The following RAP1GAP variants were observed in gnomAD, a reference collection of about 807,000 sequenced individuals.
RAP1GAP encodes the protein RAP1 GTPase activating protein.
A neutral mutation model predicts 87.2 loss-of-function variants in RAP1GAP; 35 were observed. The observed-to-expected ratio is 0.40, with a 90% CI of 0.31 to 0.53. The LOEUF (loss-of-function observed/expected upper bound fraction) is 0.53, where lower values mean the gene tolerates loss of function less well. RAP1GAP is among the 20% of genes least tolerant of loss of function. The probability of loss-of-function intolerance (pLI) is 0.48; values close to 1 mark genes in which losing one functional copy is unlikely to be tolerated. For missense variants in RAP1GAP, 734 were observed against 898.9 expected (o/e 0.82, Z 2.35); for synonymous variants, 375 against 363.9 (o/e 1.03, Z -0.35).
chr1:21,599,481 C>G lies in RAP1GAP; in HGVS notation c.1776+13G>C, dbSNP rs770097074. 6.8e-6 allele frequency: 11 copies of G among 1,605,990 alleles called. No individual in the cohort carries two copies. In the East Asian group the frequency reaches 8.9e-5, roughly 13 times the overall value. ...AGCTCCTGTGGGGCCCCTGACCCCC[C>G]TGAGCCTCTCACCAGGCCTGTGTCC... On this transcript the variant is annotated intron_variant, in intron 21 of 24. Transcript: ENST00000374765.
rs977094954 is a variant in RAP1GAP at position 21,634,062 on chromosome 1, G to A, written c.-112-7665C>T. ...TGCCCCAGAACTGCCCCCTCCCGGG[G>A]GGGGGGGGGGGCCACAGAAGCCCAT... On this transcript the variant is annotated intron_variant, in intron 2 of 24. Coordinates refer to ENST00000374765, the MANE Select transcript of RAP1GAP (RefSeq NM_002885.4). This position sits in a 1 kb window ranked among gnomAD's most constrained non-coding sequence, Gnocchi z 4.1. 1.1e-4 allele frequency among the ~76,000 whole-genome samples: 1 copy of A among 8,826 alleles called. No individual in the cohort carries two copies. Among genetic ancestry groups the A allele is most frequent in the African/African-American group, 1.5e-4 (1 of 6,690 alleles). 5.8% of individuals were successfully genotyped at this position (8,826 alleles called of 152,430 possible). A position where few individuals can be genotyped will look rare whatever the true frequency, so the allele number is the denominator to read the frequency against.
chr1:21,656,467 G>T (rs1558910390), intron 1 of RAP1GAP, among the ~76,000 whole-genome samples: 1 of 148,008 alleles, frequency 6.8e-6, no homozygotes, highest in Non-Finnish European at 1.5e-5. Context: ...CCTAACAACG[G>T]AAAGATACAT....
At chr1:21,638,322 T>C (rs1479247143) in intron 2 of RAP1GAP, among the ~76,000 whole-genome samples, 1 of 151,948 alleles carries the variant, frequency 6.6e-6, no homozygotes. Flanking sequence ...CCGGACATGG[T>C]AGCGCATGCT....
At chr1:21,633,391 C>G (rs933426779) in intron 2 of RAP1GAP, among the ~76,000 whole-genome samples, 1 of 152,220 alleles carries the variant, frequency 6.6e-6, no homozygotes. Context: ...CAGGCACCCC[C>G]CCTCTGCTGG....
intron 2 of RAP1GAP, among the ~76,000 whole-genome samples, chr1:21,643,975 G>C (rs1282609918): frequency 6.6e-6 from 1 of 152,196 alleles, no homozygotes; most frequent in Non-Finnish European, 1.5e-5. Context: ...CCAGACCAGG[G>C]ACCTCAGGGC....
intron 10 of RAP1GAP, 127 bp from the exon 11 acceptor site, chr1:21,612,236 C>A (rs2078858380): frequency 2.6e-6 from 2 of 756,586 alleles, no homozygotes; most frequent in Non-Finnish European, 2.3e-6. Context: ...CAGAACAAGC[C>A]TGGGAGGGAG....
rs986479848 is a variant in RAP1GAP at position 21,596,813 on chromosome 1, C to G, written c.*486G>C. 1 of 152,380 alleles carries G rather than the reference C, an allele frequency of 6.6e-6. No homozygotes were observed. Among genetic ancestry groups the G allele is most frequent in the Non-Finnish European group, 1.5e-5 (1 of 68,164 alleles). 9.4% of individuals were successfully genotyped at this position (152,380 alleles called of 1,614,324 possible). ...GGAGAGTGACTTGCCCAGAGTCACA[C>G]AGCAGAACCCAAATTGGAAACCAGG... On this transcript the variant is annotated 3_prime_UTR_variant, in exon 25 of 25. Coordinates refer to ENST00000374765, the MANE Select transcript of RAP1GAP (RefSeq NM_002885.4).
intron 2 of RAP1GAP, among the ~76,000 whole-genome samples, chr1:21,639,079 C>T (rs1571158685): frequency 6.6e-6 from 1 of 152,254 alleles, no homozygotes; most frequent in Non-Finnish European, 1.5e-5. Context: ...GCTGTCACGT[C>T]CTGCAAGCCA....
intron 5 of RAP1GAP, among the ~76,000 whole-genome samples, chr1:21,618,502 G>A (rs1233244512): frequency 1.3e-5 from 2 of 152,076 alleles, no homozygotes; most frequent in African/African-American, 2.4e-5. Flanking sequence ...CCCTCATCTC[G>A]CTGAGTCCCC....
intron 2 of RAP1GAP, among the ~76,000 whole-genome samples, chr1:21,632,497 G>C (rs953743371): frequency 1.3e-5 from 2 of 152,118 alleles, no homozygotes; most frequent in Admixed American, 1.3e-4. Context: ...GTGAAAACAC[G>C]ACCTCAAAGT....
chr1:21,660,397 G>A lies in RAP1GAP; in HGVS notation c.-149+8857C>T, dbSNP rs1008642704. Reference sequence around the variant, plus strand: ...CACCCAGGCTGGAGTGCAATGGCACGATCTTGGCTCACTGCAACCTCTGCC... The same window carrying A: ...CACCCAGGCTGGAGTGCAATGGCACAATCTTGGCTCACTGCAACCTCTGCC... On this transcript the variant is annotated intron_variant, in intron 1 of 24. Transcript: ENST00000374765. Among the ~76,000 whole-genome samples the A allele has an allele frequency of 1.6e-4, 20 of 125,846 alleles. 1 individual carries two copies. Among genetic ancestry groups the A allele is most frequent in the Admixed American group, 6.2e-4 (7 of 11,252 alleles). 82.6% of individuals were successfully genotyped at this position (125,846 alleles called of 152,430 possible). A position where few individuals can be genotyped will look rare whatever the true frequency, so the allele number is the denominator to read the frequency against.
chr1:21,613,665 C>T lies in RAP1GAP; in HGVS notation c.437G>A (p.Cys146Tyr). 1 of 1,613,752 alleles carries T rather than the reference C, an allele frequency of 6.2e-7. No individual in the cohort carries two copies. Among genetic ancestry groups the T allele is most frequent in the Non-Finnish European group, 8.5e-7 (1 of 1,179,860 alleles). The stretch of plus-strand genomic sequence containing the variant: ...GACAACATTAGGGAACTCGGTGAGG[C>T]AGGAGATGGGGATGACATCATGGTA... ...RTYHDVIPISCLTEFPNVVQM... is the reference protein window; with the variant it reads ...RTYHDVIPISYLTEFPNVVQM... The change falls in exon 9 of 25, where the codon TGC (cysteine) becomes TAC (tyrosine). Residue 146 changes from cysteine (C) to tyrosine (Y), a missense_variant. Physicochemically the swap from Cys to Tyr is radical, Grantham distance 194 (BLOSUM62 -2). This residue lies in a region of RAP1GAP where 485 missense variants were observed against 646.2 expected (regional missense o/e 0.75). Coordinates refer to ENST00000374765, the MANE Select transcript of RAP1GAP (RefSeq NM_002885.4). This position sits in a 1 kb window ranked among gnomAD's most constrained non-coding sequence, Gnocchi z 4.7.
chr1:21,669,173 T>C lies in RAP1GAP; in HGVS notation c.-149+81A>G. Reference sequence around the variant, plus strand: ...CGTCCCCGCCCGCCCGCGCGGGGTCTTCGCTGCGAGCCGACGGGAGTCTGG... The same window carrying C: ...CGTCCCCGCCCGCCCGCGCGGGGTCCTCGCTGCGAGCCGACGGGAGTCTGG... On this transcript the variant is annotated intron_variant, in intron 1 of 24. Transcript: ENST00000374765. The surrounding 1 kb of genome is among the most constrained non-coding windows in gnomAD (Gnocchi z 5.6). 8.3e-7 allele frequency: 1 copy of C among 1,206,636 alleles called. No homozygotes were observed. Among genetic ancestry groups the C allele is most frequent in the Non-Finnish European group, 1.0e-6 (1 of 954,220 alleles). 74.7% of individuals were successfully genotyped at this position (1,206,636 alleles called of 1,614,324 possible). A position where few individuals can be genotyped will look rare whatever the true frequency, so the allele number is the denominator to read the frequency against.
At chr1:21,611,665 C>T in intron 12 of RAP1GAP, 51 bp downstream of exon 12, 1 of 1,612,032 alleles carries the variant, frequency 6.2e-7, no homozygotes. Flanking sequence ...TCCCTCCCTG[C>T]CCAGGAGCAC....
In RAP1GAP at chr1:21,668,092, C is replaced by T. The variant is rs2097433439; in HGVS notation, c.-149+1162G>A. 6.6e-6 allele frequency among the ~76,000 whole-genome samples: 1 copy of T among 152,200 alleles called. No homozygotes were observed. Among genetic ancestry groups the T allele is most frequent in the Non-Finnish European group, 1.5e-5 (1 of 68,034 alleles). On this transcript the variant is annotated intron_variant, in intron 1 of 24. Coordinates refer to ENST00000374765, the MANE Select transcript of RAP1GAP (RefSeq NM_002885.4). The surrounding 1 kb of genome is among the most constrained non-coding windows in gnomAD (Gnocchi z 6.2). ...ACCTTTGGCCAATGTTCTGTTTCATCTGCGAGGCAACCTTCCCCAGTGCCC... is the reference window on the plus strand; with the variant it reads ...ACCTTTGGCCAATGTTCTGTTTCATTTGCGAGGCAACCTTCCCCAGTGCCC...
chr1:21,666,210 G>A (rs2097341438), intron 1 of RAP1GAP, among the ~76,000 whole-genome samples: 1 of 152,220 alleles, frequency 6.6e-6, no homozygotes, highest in South Asian at 2.1e-4. Context: ...CAGAGGCACA[G>A]GGTGCCAGGG....
chr1:21,651,661 A>G (rs1276511053), intron 1 of RAP1GAP: 11 of 1,042,564 alleles, frequency 1.1e-5, no homozygotes, highest in Non-Finnish European at 1.6e-5. Context: ...CAGCCCCCAC[A>G]GCAGTCATAG....
chr1:21,617,276 C>T, intron 7 of RAP1GAP, 30 bp downstream of exon 7: 2 of 1,551,304 alleles, frequency 1.3e-6, no homozygotes, highest in Non-Finnish European at 1.7e-6. Context: ...CCCACCCCAG[C>T]CAGCCCCGCT....
At position 21,613,769 on chromosome 1, in the gene RAP1GAP, C is replaced by A. The variant is rs144571682; in HGVS notation, c.396-63G>T. On this transcript the variant is annotated intron_variant, in intron 8 of 24. Transcript: ENST00000374765. This position sits in a 1 kb window ranked among gnomAD's most constrained non-coding sequence, Gnocchi z 4.7. ...CAGGACAGGAAAATGGGAACCCCAC[C>A]CCCCACAAAGTAAGGCCAGAAGGGG... 1.3e-4 allele frequency: 199 copies of A among 1,488,202 alleles called. No individual in the cohort carries two copies. The African/African-American group carries it at 2.4e-3, about 18-fold the overall frequency. 92.2% of individuals were successfully genotyped at this position (1,488,202 alleles called of 1,614,324 possible).
Sources: allele counts gnomAD v4.1 joint callset (sites outside exome capture counted in the v4.1 genomes callset), GRCh38; gene constraint gnomAD v4.1.1; regional missense constraint gnomAD v4.1.1; non-coding constraint Gnocchi (gnomAD v3.1); transcripts MANE v1.5; gene names NCBI Gene and HGNC (gene_info 2026-07-23, HGNC 2026-07-21).